NAV2: variants seen among roughly 807,000 people sequenced by gnomAD.
NAV2 encodes the protein helicase, APC down-regulated 1.
In NAV2, 54 loss-of-function variants were observed where a neutral mutation model predicts 223.2. That is an observed-to-expected ratio of 0.24 (90% CI 0.19 to 0.30). NAV2 has a LOEUF of 0.30. NAV2 is among the 10% of genes least tolerant of loss of function. The pLI is 1.00. For missense variants in NAV2, 2,806 were observed against 3,147.5 expected (o/e 0.89, Z 2.60); for synonymous variants, 1,279 against 1,239.3 (o/e 1.03, Z -0.67).
At chr11:19,596,389 G>A (rs191033323) in intron 1 of NAV2, among the ~76,000 whole-genome samples, 11 of 152,286 alleles carry the variant, frequency 7.2e-5, no homozygotes, top group Admixed American at 3.3e-4. Flanking sequence ...TCAATTCACC[G>A]GCTCCCCAGA....
At chr11:19,549,558 C>T (rs1166029504) in intron 1 of NAV2, among the ~76,000 whole-genome samples, 1 of 152,218 alleles carries the variant, frequency 6.6e-6, no homozygotes, top group East Asian at 1.9e-4. Context: ...GAGAGCACAA[C>T]CCCCCTCCTA....
intron 1 of NAV2, among the ~76,000 whole-genome samples, chr11:19,724,020 C>A (rs1380258062): frequency 6.6e-6 from 1 of 152,212 alleles, no homozygotes; most frequent in Non-Finnish European, 1.5e-5. Flanking sequence ...TTTAGAATAA[C>A]CTGGCTTACT....
intron 1 of NAV2, among the ~76,000 whole-genome samples, chr11:19,360,497 C>G (rs1444453629): frequency 1.3e-5 from 2 of 152,204 alleles, no homozygotes. Context: ...GTCTCTCCGA[C>G]TGTTTTAACA....
intron 1 of NAV2, among the ~76,000 whole-genome samples, chr11:19,733,738 T>C (rs1164597509): frequency 6.6e-6 from 1 of 151,704 alleles, no homozygotes; most frequent in Non-Finnish European, 1.5e-5. Flanking sequence ...GGGCTGAAAA[T>C]AGTGTATAAG....
chr11:19,460,091 A>G (rs1033122313), intron 1 of NAV2, among the ~76,000 whole-genome samples: 6 of 152,224 alleles, frequency 3.9e-5, no homozygotes, highest in African/African-American at 1.4e-4. Context: ...TGGGATAATA[A>G]CCTGAAAGGA....
chr11:19,513,324 C>T (rs2043339029), intron 1 of NAV2, among the ~76,000 whole-genome samples: 1 of 152,220 alleles, frequency 6.6e-6, no homozygotes, highest in Admixed American at 6.5e-5. Context: ...TGACCCCAAT[C>T]TTTGCAGTGG....
chr11:19,472,689 G>T (rs948050941), intron 1 of NAV2, among the ~76,000 whole-genome samples: 2 of 152,112 alleles, frequency 1.3e-5, no homozygotes, highest in Non-Finnish European at 2.9e-5. Flanking sequence ...AGGAAGTGTT[G>T]TTACCTTCCT....
chr11:19,993,399 G>C (rs1489401699), intron 11 of NAV2, among the ~76,000 whole-genome samples: 1 of 152,164 alleles, frequency 6.6e-6, no homozygotes, highest in African/African-American at 2.4e-5. Flanking sequence ...AATGACCCAC[G>C]TAACTTTTCC....
At chr11:19,964,581 G>A (rs185833727) in intron 10 of NAV2, among the ~76,000 whole-genome samples, 86 of 150,372 alleles carry the variant, frequency 5.7e-4, no homozygotes, top group African/African-American at 1.9e-3. Context: ...CTGAAACCTC[G>A]AATTCCTAGG....
At chr11:19,491,648 T>C (rs1383434462) in intron 1 of NAV2, among the ~76,000 whole-genome samples, 1 of 152,220 alleles carries the variant, frequency 6.6e-6, no homozygotes, top group Non-Finnish European at 1.5e-5. Flanking sequence ...ATTAGAACTT[T>C]CTCCATATCA....
At chr11:19,971,371 G>C (rs966859958) in intron 10 of NAV2, among the ~76,000 whole-genome samples, 1 of 152,064 alleles carries the variant, frequency 6.6e-6, no homozygotes, top group Non-Finnish European at 1.5e-5. Context: ...TTTCTACCAT[G>C]GCCTGTTTTC....
intron 1 of NAV2, among the ~76,000 whole-genome samples, chr11:19,572,363 A>C (rs1197251916): frequency 6.6e-6 from 1 of 152,200 alleles, no homozygotes; most frequent in East Asian, 1.9e-4. Context: ...TCAGCTTGCC[A>C]TATTCCTTGC....
chr11:20,036,056 G>A lies in NAV2; in HGVS notation c.2866G>A (p.Ala956Thr), dbSNP rs773424789. The A allele has an allele frequency of 2.4e-5, 38 of 1,614,108 alleles. No individual in the cohort carries two copies. In the South Asian group the frequency reaches 4.1e-4, roughly 17 times the overall value. The change falls in exon 12 of 38, where the codon GCC (alanine) becomes ACC (threonine). Residue 956 changes from alanine (A) to threonine (T), a missense_variant. By Grantham distance (58) the Ala-to-Thr change is moderately conservative (BLOSUM62 0). This residue lies in a region of NAV2 where 73 missense variants were observed against 119.7 expected (regional missense o/e 0.61). Transcript: ENST00000349880. Reference protein sequence around the residue: ...INTSSSISSYANTPASSRKNL... With the variant: ...INTSSSISSYTNTPASSRKNL... ...CACCAGCTCCTCCATCAGCTCTTAT[G>A]CCAACACACCTGCCTCCTCTCGAAA... is the stretch of plus-strand genomic sequence containing the variant.
intron 1 of NAV2, among the ~76,000 whole-genome samples, chr11:19,692,186 A>G (rs771428749): frequency 3.9e-5 from 6 of 152,214 alleles, no homozygotes; most frequent in Non-Finnish European, 7.4e-5. Context: ...AAAGACCCAC[A>G]CTGGCTGAGG....
intron 6 of NAV2, among the ~76,000 whole-genome samples, chr11:19,894,414 C>G (rs754258931): frequency 6.6e-6 from 1 of 152,170 alleles, no homozygotes; most frequent in South Asian, 2.1e-4. Context: ...GCCCTATACT[C>G]ATTTGGGGAG....
At chr11:19,853,478 C>T (rs758462373) in intron 3 of NAV2, among the ~76,000 whole-genome samples, 34 of 152,064 alleles carry the variant, frequency 2.2e-4, no homozygotes, top group Non-Finnish European at 4.3e-4. Flanking sequence ...AAGTTGTAAA[C>T]TCTCTTAAAA....
chr11:19,580,405 G>A (rs1290159311), intron 1 of NAV2, among the ~76,000 whole-genome samples: 1 of 151,832 alleles, frequency 6.6e-6, no homozygotes, highest in African/African-American at 2.4e-5. Flanking sequence ...CAAGATCAAG[G>A]GGCCCCATTT....
chr11:19,925,876 T>A (rs959891649), intron 6 of NAV2, among the ~76,000 whole-genome samples: 2 of 152,200 alleles, frequency 1.3e-5, no homozygotes, highest in Non-Finnish European at 2.9e-5. Flanking sequence ...TACCAAAAAT[T>A]GTTTGACCAT....
Position 19,421,787 on chromosome 11 carries a change from T to TTTTG in NAV2, c.75+70760_75+70761insTTTG, listed in dbSNP as rs58142247. ...GGCTTTTTTTTTTTTTTTTTTTTTT[T>TTTTG]GCCCAAGCATGAGAAGTTAAGATAA... On this transcript the variant is annotated intron_variant, in intron 1 of 37. Transcript: ENST00000360655. Among the ~76,000 whole-genome samples the TTTTG allele has an allele frequency of 6.0e-4, 89 of 147,188 alleles. 1 individual carries two copies. The highest frequency in any genetic ancestry group is 6.0e-3 in the East Asian group (30 of 4,980).
Sources: gnomAD v4.1 joint callset for allele counts (sites outside exome capture counted in the v4.1 genomes callset) on GRCh38, gnomAD v4.1.1 for gene constraint, gnomAD v4.1.1 regional missense constraint, MANE v1.5 for transcripts, NCBI Gene and HGNC (gene_info 2026-07-23, HGNC 2026-07-21) for gene names.